The following HS3ST4 variants were observed in gnomAD, a reference collection of about 807,000 sequenced individuals.
HS3ST4 encodes the protein heparan sulfate-glucosamine 3-sulfotransferase 4.
A neutral mutation model predicts 29.2 loss-of-function variants in HS3ST4; 17 were observed. That is an observed-to-expected ratio of 0.58 (90% CI 0.40 to 0.87). The LOEUF (loss-of-function observed/expected upper bound fraction) is 0.87, where lower values mean the gene tolerates loss of function less well. Ranked by LOEUF, HS3ST4 falls within the 40% of genes least tolerant of loss-of-function variation. The pLI is 0.00. For synonymous variants in HS3ST4, 314 were observed against 285.7 expected (o/e 1.10, Z -1.00); for missense variants, 627 against 634.5 (o/e 0.99, Z 0.13).
chr16:25,781,159 G>A (rs1199277160), intron 1 of HS3ST4, among the ~76,000 whole-genome samples: 1 of 152,172 alleles, frequency 6.6e-6, no homozygotes, highest in East Asian at 1.9e-4. Context: ...GTCCTCTCCA[G>A]GATTGAAGCT....
At chr16:25,933,270 T>C (rs572783004) in intron 1 of HS3ST4, 27 of 451,588 alleles carry the variant, frequency 6.0e-5, no homozygotes, top group African/African-American at 5.2e-4. Flanking sequence ...CCATTATTGA[T>C]TGGCTGCCGA....
At chr16:26,071,331 G>C (rs374876710) in intron 1 of HS3ST4, among the ~76,000 whole-genome samples, 2 of 152,234 alleles carry the variant, frequency 1.3e-5, no homozygotes, top group African/African-American at 4.8e-5. Flanking sequence ...CCGTGGGTGC[G>C]GGGTTGTGGT....
chr16:25,853,678 A>G (rs1362589107), intron 1 of HS3ST4, among the ~76,000 whole-genome samples: 1 of 152,180 alleles, frequency 6.6e-6, no homozygotes, highest in Non-Finnish European at 1.5e-5. Flanking sequence ...TATCACATTT[A>G]TTGATTTGCA....
intron 1 of HS3ST4, among the ~76,000 whole-genome samples, chr16:25,846,445 G>A (rs770076734): frequency 2.0e-5 from 3 of 151,768 alleles, no homozygotes; most frequent in Non-Finnish European, 4.4e-5. Context: ...AAGGTGGGAG[G>A]ATCTCTTGAG....
intron 1 of HS3ST4, among the ~76,000 whole-genome samples, chr16:25,811,943 G>A (rs888076191): frequency 5.9e-5 from 9 of 152,186 alleles, no homozygotes; most frequent in Admixed American, 2.6e-4. Context: ...TGTTGTTCAA[G>A]GGTCAACAAC....
At chr16:26,107,984 GTTCTATTTTCTATGGAAAATAGAGGTT>G (rs1199379984) in intron 1 of HS3ST4, among the ~76,000 whole-genome samples, 3 of 152,062 alleles carry the variant, frequency 2.0e-5, no homozygotes, top group Admixed American at 6.6e-5. Flanking sequence ...GGAAAACACT[GTTCTATTTTCTATGGAAAATAGAGGTT>G]TTCTATTTTC....
At chr16:26,050,296 G>C (rs1021075030) in intron 1 of HS3ST4, among the ~76,000 whole-genome samples, 16 of 151,254 alleles carry the variant, frequency 1.1e-4, no homozygotes, top group East Asian at 1.9e-4. Flanking sequence ...CTCTCTCTCT[G>C]TCTCTCTCTC....
intron 1 of HS3ST4, among the ~76,000 whole-genome samples, chr16:26,029,951 C>T (rs918146004): frequency 2.0e-5 from 3 of 152,192 alleles, no homozygotes; most frequent in African/African-American, 7.2e-5. Context: ...TGAAAAACAC[C>T]CGTCCCCTGA....
intron 1 of HS3ST4, among the ~76,000 whole-genome samples, chr16:25,900,595 T>C (rs976361892): frequency 2.0e-5 from 3 of 152,176 alleles, no homozygotes; most frequent in Non-Finnish European, 4.4e-5. Context: ...GTTAATGCAA[T>C]ACAACAACAT....
chr16:25,798,169 C>T (rs1966899628), intron 1 of HS3ST4, among the ~76,000 whole-genome samples: 1 of 152,190 alleles, frequency 6.6e-6, no homozygotes, highest in Non-Finnish European at 1.5e-5. Context: ...ACTTCTCTAT[C>T]TCTAAGAGTG....
intron 1 of HS3ST4, among the ~76,000 whole-genome samples, chr16:25,945,853 A>C (rs1238582563): frequency 6.6e-6 from 1 of 152,182 alleles, no homozygotes. Context: ...TTCTGACCAA[A>C]ATGAACCTAG....
intron 1 of HS3ST4, among the ~76,000 whole-genome samples, chr16:26,084,766 GTTGT>G (rs1463755849): frequency 1.3e-5 from 2 of 151,088 alleles, no homozygotes; most frequent in Non-Finnish European, 2.9e-5. Context: ...TTTAGTTGTT[GTTGT>G]TTTTTTTTTA....
chr16:25,989,751 A>G (rs1037786909), intron 1 of HS3ST4, among the ~76,000 whole-genome samples: 2 of 152,212 alleles, frequency 1.3e-5, no homozygotes, highest in African/African-American at 4.8e-5. Context: ...ATATATTAAT[A>G]GATGGTCAAT....
chr16:25,995,099 C>T (rs1474049191), intron 1 of HS3ST4, among the ~76,000 whole-genome samples: 3 of 152,308 alleles, frequency 2.0e-5, no homozygotes, highest in African/African-American at 7.2e-5. Flanking sequence ...TCAGGAATCA[C>T]AGCAGGTTCT....
In HS3ST4 at chr16:25,692,817, G is replaced by A. The variant is rs1966265001; in HGVS notation, c.400G>A (p.Gly134Ser). 6 of 1,385,036 alleles carry A rather than the reference G, an allele frequency of 4.3e-6. No homozygotes were observed. Among genetic ancestry groups the A allele is most frequent in the Non-Finnish European group, 5.6e-6 (6 of 1,078,214 alleles). 85.8% of individuals were successfully genotyped at this position (1,385,036 alleles called of 1,614,324 possible). ...CTGGGGGCTGCCGAGCGGCGGCGGA[G>A]GCGCCCAGGACGCCTGGCTCCGGAC... is the stretch of plus-strand genomic sequence containing the variant. ...DGWGLPSGGG[G>S]AQDAWLRTPL... is the part of the protein sequence containing the mutation. Residue 134 changes from glycine to serine, a missense_variant, in exon 1 of 2, where the codon GGC becomes AGC. This residue lies in a region of HS3ST4 where 402 missense variants were observed against 340.8 expected (regional missense o/e 1.18). Coordinates refer to ENST00000331351, the MANE Select transcript of HS3ST4 (RefSeq NM_006040.3).
At chr16:25,981,217 C>T (rs887344530) in intron 1 of HS3ST4, among the ~76,000 whole-genome samples, 10 of 152,042 alleles carry the variant, frequency 6.6e-5, no homozygotes, top group East Asian at 5.8e-4. Flanking sequence ...ATTAGCCAGG[C>T]GTGGTGACGC....
At chr16:25,971,447 T>A (rs757073505) in intron 1 of HS3ST4, among the ~76,000 whole-genome samples, 1 of 152,192 alleles carries the variant, frequency 6.6e-6, no homozygotes, top group Admixed American at 6.5e-5. Flanking sequence ...CAGAGGCTAC[T>A]TTTTAGTAAA....
chr16:25,812,726 CAG>C (rs1460623463), intron 1 of HS3ST4, among the ~76,000 whole-genome samples: 1 of 148,488 alleles, frequency 6.7e-6, no homozygotes, highest in Admixed American at 6.7e-5. Flanking sequence ...GTTCTTGAGA[CAG>C]AGTTTTGCTG....
At chr16:25,845,336 C>T (rs931123427) in intron 1 of HS3ST4, among the ~76,000 whole-genome samples, 1 of 152,084 alleles carries the variant, frequency 6.6e-6, no homozygotes, top group African/African-American at 2.4e-5. Context: ...TGGTGAAACC[C>T]TGTATCTACT....
Sources: allele counts gnomAD v4.1 joint callset (sites outside exome capture counted in the v4.1 genomes callset), GRCh38; gene constraint gnomAD v4.1.1; regional missense constraint gnomAD v4.1.1; transcripts MANE v1.5; gene names NCBI Gene and HGNC (gene_info 2026-07-23, HGNC 2026-07-21).